Variants in PCNX2 observed in about 807,000 individuals in gnomAD.
The protein encoded by PCNX2 is pecanex-like protein 2.
In PCNX2, 168 loss-of-function variants were observed where a neutral mutation model predicts 223.8. That is an observed-to-expected ratio of 0.75 (90% CI 0.66 to 0.85). PCNX2 has a LOEUF of 0.85. Ranked by LOEUF, PCNX2 falls within the 40% of genes least tolerant of loss-of-function variation. The probability of loss-of-function intolerance (pLI) is 0.00; values close to 1 mark genes in which losing one functional copy is unlikely to be tolerated. For missense variants in PCNX2, 2,507 were observed against 2,675.5 expected, an observed-to-expected ratio of 0.94 and a Z score of 1.39; for synonymous variants, 1,006 against 1,052.6, an observed-to-expected ratio of 0.96 and a Z score of 0.86.
intron 21 of PCNX2, among the ~76,000 whole-genome samples, chr1:233,124,008 T>G (rs759674545): frequency 6.6e-6 from 1 of 152,224 alleles, no homozygotes; most frequent in Non-Finnish European, 1.5e-5. Context: ...TATTATTTCT[T>G]GCTTAATTTT....
chr1:232,998,873 G>A (rs1233356548), intron 31 of PCNX2, among the ~76,000 whole-genome samples: 1 of 152,212 alleles, frequency 6.6e-6, no homozygotes, highest in Non-Finnish European at 1.5e-5. Flanking sequence ...AACTCAGCCT[G>A]TGCAAATGTG....
At chr1:233,165,394 C>T (rs528075218) in intron 17 of PCNX2, among the ~76,000 whole-genome samples, 61 of 152,200 alleles carry the variant, frequency 4.0e-4, no homozygotes, top group African/African-American at 1.4e-3. Flanking sequence ...CATTTGGTGG[C>T]TAGAGACCAG....
chr1:233,294,631 G>A (rs577652604), intron 1 of PCNX2, among the ~76,000 whole-genome samples: 1 of 152,274 alleles, frequency 6.6e-6, no homozygotes, highest in Admixed American at 6.5e-5. Context: ...TTTCAAAGCA[G>A]GTAAACCATT....
At chr1:232,999,465 T>C (rs1350659913) in intron 30 of PCNX2, 86 bp from the exon 31 acceptor site, 29 of 1,410,806 alleles carry the variant, frequency 2.1e-5, no homozygotes, top group Non-Finnish European at 2.3e-5. Context: ...TTTTTTTTTT[T>C]TTTTTGAGAT....
At chr1:233,274,503 CAT>C (rs1328380671) in intron 1 of PCNX2, among the ~76,000 whole-genome samples, 1 of 152,184 alleles carries the variant, frequency 6.6e-6, no homozygotes, top group Non-Finnish European at 1.5e-5. Flanking sequence ...ACAAAAGAAA[CAT>C]AGTCCCTATA....
chr1:233,237,420 C>T (rs1019534448), intron 8 of PCNX2, among the ~76,000 whole-genome samples: 2 of 152,192 alleles, frequency 1.3e-5, no homozygotes, highest in African/African-American at 4.8e-5. Context: ...CTCTCCACCA[C>T]ACCCCAAAGC....
intron 10 of PCNX2, among the ~76,000 whole-genome samples, chr1:233,224,723 C>G (rs193050844): frequency 6.6e-6 from 1 of 152,192 alleles, no homozygotes; most frequent in Admixed American, 6.5e-5. Context: ...AGTCCCTTTC[C>G]TTATTTTAAT....
intron 25 of PCNX2, among the ~76,000 whole-genome samples, chr1:233,042,715 G>A (rs926970205): frequency 6.6e-6 from 1 of 152,168 alleles, no homozygotes; most frequent in Non-Finnish European, 1.5e-5. Context: ...AGAAATCAAG[G>A]TTCTGACAGG....
At chr1:233,185,081 A>G (rs1299552560) in intron 15 of PCNX2, among the ~76,000 whole-genome samples, 2 of 106,174 alleles carry the variant, frequency 1.9e-5, no homozygotes, top group Admixed American at 1.2e-4. Flanking sequence ...GTATACATAC[A>G]TAAACACACA....
At chr1:233,107,663 C>T (rs1481882028) in intron 21 of PCNX2, among the ~76,000 whole-genome samples, 1 of 115,844 alleles carries the variant, frequency 8.6e-6, no homozygotes, top group Admixed American at 9.2e-5. Context: ...TCCACACTTA[C>T]AATGAAAAAA....
intron 26 of PCNX2, among the ~76,000 whole-genome samples, chr1:233,018,145 C>G (rs1287929065): frequency 6.6e-6 from 1 of 152,068 alleles, no homozygotes; most frequent in Non-Finnish European, 1.5e-5. Context: ...GCCTCAGCCT[C>G]TAGAGTAACT....
At chr1:233,004,775 A>G (rs530064857) in intron 28 of PCNX2, among the ~76,000 whole-genome samples, 36 of 152,306 alleles carry the variant, frequency 2.4e-4, no homozygotes, top group African/African-American at 8.2e-4. Flanking sequence ...ATGTACCACT[A>G]TCATTAATAT....
the PCNX2 span, among the ~76,000 whole-genome samples, chr1:233,308,569 G>A: frequency 2.6e-5 from 4 of 152,102 alleles, no homozygotes; most frequent in Non-Finnish European, 5.9e-5. Context: ...GATGTATAAA[G>A]ATATTTAGTG....
At chr1:233,182,108 T>C (rs1375147541) in intron 15 of PCNX2, among the ~76,000 whole-genome samples, 9 of 152,194 alleles carry the variant, frequency 5.9e-5, no homozygotes, top group Admixed American at 5.9e-4. Context: ...TAGACATCTC[T>C]GACCATTGGG....
intron 1 of PCNX2, among the ~76,000 whole-genome samples, chr1:233,277,195 G>A (rs1366634423): frequency 6.6e-6 from 1 of 152,132 alleles, no homozygotes; most frequent in Non-Finnish European, 1.5e-5. Context: ...TGGGAAGGTG[G>A]GACTGTCAGA....
intron 12 of PCNX2, among the ~76,000 whole-genome samples, chr1:233,214,608 G>C (rs1023262623): frequency 6.6e-6 from 1 of 152,142 alleles, no homozygotes; most frequent in Non-Finnish European, 1.5e-5. Context: ...ACTGAATTTT[G>C]CTTTCTGGGT....
rs183186547 is a variant in PCNX2 at position 233,235,882 on chromosome 1, G to A, written c.2358+963C>T. ...CTCCCAAAGTGCTGGGATTACAGGC[G>A]TGAGCCACTGCAGCCAGCCACGTTG... is the stretch of plus-strand genomic sequence containing the variant. On this transcript the variant is annotated intron_variant, in intron 9 of 33. Coordinates refer to ENST00000258229, the MANE Select transcript of PCNX2 (RefSeq NM_014801.4). Among the ~76,000 whole-genome samples the A allele has an allele frequency of 8.2e-4, 121 of 148,446 alleles. 1 individual carries two copies. The highest frequency in any genetic ancestry group is 2.9e-3 in the African/African-American group (117 of 40,502).
At chr1:233,206,556 A>C (rs564390314) in intron 13 of PCNX2, among the ~76,000 whole-genome samples, 1 of 152,290 alleles carries the variant, frequency 6.6e-6, no homozygotes, top group South Asian at 2.1e-4. Flanking sequence ...GACTGAAAAA[A>C]AAGTAAAGTA....
chr1:233,027,780 A>C (rs1241319900), intron 25 of PCNX2, among the ~76,000 whole-genome samples: 1 of 152,146 alleles, frequency 6.6e-6, no homozygotes, highest in African/African-American at 2.4e-5. Context: ...CCTTTTAAAA[A>C]TGTAAAAGCC....
Sources: allele counts gnomAD v4.1 joint callset (sites outside exome capture counted in the v4.1 genomes callset), GRCh38; gene constraint gnomAD v4.1.1; transcripts MANE v1.5; gene names NCBI Gene and HGNC (gene_info 2026-07-23, HGNC 2026-07-21).